The following SYT2 variants were observed in gnomAD, a reference collection of about 807,000 sequenced individuals.
SYT2 encodes synaptotagmin 2, also known as synaptotagmin-2.
In SYT2, 15 loss-of-function variants were observed where a neutral mutation model predicts 39.9. The ratio of observed to expected loss-of-function variants is 0.38; its 90% confidence interval spans 0.25 to 0.58. The LOEUF (loss-of-function observed/expected upper bound fraction) is 0.58. Ranked by LOEUF, SYT2 falls within the 20% of genes least tolerant of loss-of-function variation. The pLI is 0.70. For missense variants in SYT2, 389 were observed against 530.3 expected, an observed-to-expected ratio of 0.73 and a Z score of 2.62; for synonymous variants, 181 against 204.5, an observed-to-expected ratio of 0.89 and a Z score of 0.98.
At chr1:202,606,638 C>T (rs1690718460) in intron 1 of SYT2, among the ~76,000 whole-genome samples, 1 of 152,172 alleles carries the variant, frequency 6.6e-6, no homozygotes, top group African/African-American at 2.4e-5. Flanking sequence ...GCCCTTCCTC[C>T]CCGGTCTACT....
intron 1 of SYT2, among the ~76,000 whole-genome samples, chr1:202,663,842 G>C (rs778668654): frequency 9.2e-5 from 14 of 152,148 alleles, no homozygotes; most frequent in Non-Finnish European, 1.6e-4. Flanking sequence ...TGGCTGCTCT[G>C]TCTACTGGGC....
At position 202,605,732 on chromosome 1, in the gene SYT2, G is replaced by A. The variant is rs754193594; in HGVS notation, c.41C>T (p.Ala14Val). ...IFKRNQEPIV[A>V]PATTTATMPI... ...CATCGTGGCGGTGGTGGTGGCAGGA[G>A]CCACAATAGGCTCCTGGTTCCTCTT... The change falls in exon 2 of 9, where the codon GCT (alanine) becomes GTT (valine). Residue 14 changes from alanine (A) to valine (V), a missense_variant. Transcript: ENST00000367268. 6.2e-7 allele frequency: 1 copy of A among 1,614,098 alleles called. No individual in the cohort carries two copies. Among genetic ancestry groups the A allele is most frequent in the African/African-American group, 1.3e-5 (1 of 75,038 alleles).
intron 1 of SYT2, among the ~76,000 whole-genome samples, chr1:202,702,805 T>C (rs1654153173): frequency 6.6e-6 from 1 of 152,230 alleles, no homozygotes; most frequent in Non-Finnish European, 1.5e-5. Context: ...GGTAAAGACC[T>C]GTACATTTGT....
chr1:202,622,093 T>A (rs183397717), intron 1 of SYT2, among the ~76,000 whole-genome samples: 332 of 152,324 alleles, frequency 2.2e-3, no homozygotes, highest in Non-Finnish European at 4.1e-3. Flanking sequence ...ATTTAATCTT[T>A]CCCGGCATTG....
At chr1:202,653,639 A>G (rs1215215703) in intron 1 of SYT2, among the ~76,000 whole-genome samples, 1 of 152,140 alleles carries the variant, frequency 6.6e-6, no homozygotes, top group Non-Finnish European at 1.5e-5. Context: ...CTCCCCACAA[A>G]CACTGGCCTC....
chr1:202,597,638 T>C (rs1462653457), intron 8 of SYT2, among the ~76,000 whole-genome samples: 1 of 152,084 alleles, frequency 6.6e-6, no homozygotes, highest in Non-Finnish European at 1.5e-5. Context: ...AGGCAAGCAG[T>C]AGGGGACTCC....
In SYT2 at chr1:202,596,423, T is replaced by C. The variant is rs549707454; in HGVS notation, c.*334A>G. 66 of 245,472 alleles carry C rather than the reference T, an allele frequency of 2.7e-4. No individual in the cohort carries two copies. Among genetic ancestry groups the C allele is most frequent in the African/African-American group, 1.5e-3 (64 of 43,866 alleles). The allele number at this position is 245,472 out of a possible 1,614,324, so 15.2% of individuals were successfully genotyped here. ...TCCAGAAGGCTCAAAAAACAGGAAC[T>C]GCTGCAAGTTTGTGCCAGTAGAGAG... is the stretch of plus-strand genomic sequence containing the variant. On this transcript the variant is annotated 3_prime_UTR_variant, in exon 9 of 9. Transcript: ENST00000367268.
intron 1 of SYT2, among the ~76,000 whole-genome samples, chr1:202,702,421 G>C (rs1226486701): frequency 1.3e-5 from 2 of 152,184 alleles, no homozygotes; most frequent in Non-Finnish European, 2.9e-5. Flanking sequence ...CCTACTCGTG[G>C]GAGAGTCAAA....
intron 1 of SYT2, among the ~76,000 whole-genome samples, chr1:202,620,074 G>C (rs2149082426): frequency 6.6e-6 from 1 of 152,358 alleles, no homozygotes; most frequent in Non-Finnish European, 1.5e-5. Flanking sequence ...CAGGAAGGGG[G>C]AGTCTCCAAT....
chr1:202,615,031 T>A (rs193035180), intron 1 of SYT2, among the ~76,000 whole-genome samples: 1 of 152,274 alleles, frequency 6.6e-6, no homozygotes, highest in Admixed American at 6.5e-5. Flanking sequence ...GGGTGGAGCA[T>A]AACTCCAGAG....
chr1:202,651,847 T>C (rs1572658850), intron 1 of SYT2, among the ~76,000 whole-genome samples: 1 of 152,080 alleles, frequency 6.6e-6, no homozygotes, highest in South Asian at 2.1e-4. Context: ...GATCACGAGG[T>C]CAAGAGATCG....
rs377447094 is a variant in SYT2 at position 202,639,649 on chromosome 1, T to C, written c.-17-33860A>G. 2.9e-5 allele frequency: 29 copies of C among 985,372 alleles called. No homozygotes were observed. In the African/African-American group the frequency reaches 4.7e-4, roughly 16 times the overall value. The allele number at this position is 985,372 out of a possible 1,614,324, so 61.0% of individuals were successfully genotyped here. On this transcript the variant is annotated intron_variant, in intron 1 of 8. Transcript: ENST00000367268. ...AGGGATGCCATGCTGCTGGCTTGCGTTCCCTCATCATCAGGAGCCTTTTGT... is the reference window on the plus strand; with the variant it reads ...AGGGATGCCATGCTGCTGGCTTGCGCTCCCTCATCATCAGGAGCCTTTTGT...
chr1:202,634,217 A>T (rs1691678164), intron 1 of SYT2, among the ~76,000 whole-genome samples: 2 of 152,242 alleles, frequency 1.3e-5, no homozygotes, highest in African/African-American at 4.8e-5. Flanking sequence ...TAAATATACC[A>T]TTTAAAAATA....
chr1:202,672,892 AAAAAAT>A (rs1055151638), intron 1 of SYT2, among the ~76,000 whole-genome samples: 26 of 150,772 alleles, frequency 1.7e-4, no homozygotes, highest in African/African-American at 3.9e-4. Context: ...CCCAAGCAGC[AAAAAAT>A]AAAAAGAAAG....
At chr1:202,605,222 A>G (rs1298305095) in intron 2 of SYT2, 2 of 182,324 alleles carry the variant, frequency 1.1e-5, no homozygotes, top group Non-Finnish European at 2.3e-5. Context: ...TCTGCCAGAA[A>G]TTCAAAAGCA....
Position 202,591,404 on chromosome 1 carries a change from T to TACCTG in SYT2, c.*5348_*5352dup, listed in dbSNP as rs1276590932. ...GGCCAGGGGCCGCAGGCAGGGGGGC[T>TACCTG]ACCTGTCCCTCTCAGTTCAACAGGA... On this transcript the variant is annotated 3_prime_UTR_variant, in exon 9 of 9. Transcript: ENST00000367268. 6.6e-6 allele frequency: 1 copy of TACCTG among 152,530 alleles called. No homozygotes were observed. The highest frequency in any genetic ancestry group is 1.5e-5 in the Non-Finnish European group (1 of 68,300). The allele number at this position is 152,530 out of a possible 1,614,324, so 9.4% of individuals were successfully genotyped here.
chr1:202,607,133 C>T (rs1397676749), intron 1 of SYT2, among the ~76,000 whole-genome samples: 1 of 152,098 alleles, frequency 6.6e-6, no homozygotes, highest in African/African-American at 2.4e-5. Flanking sequence ...TAATTCTGTC[C>T]TCTCCACCAA....
At position 202,596,925 on chromosome 1, in the gene SYT2, C is replaced by T. The variant is rs1572604279; in HGVS notation, c.1092G>A (p.Lys364=). ...TGCCTATGGCTTCGTTCTTGCCCAG[C>T]TTGTCATAGTCCAGCACGGTGACCA... ...QVVVTVLDYD[K]LGKNEAIGKI... The change falls in exon 9 of 9, where the codon AAG becomes AAA. Residue 364 remains lysine (K), a synonymous_variant. Transcript: ENST00000367268. 6.2e-7 allele frequency: 1 copy of T among 1,614,240 alleles called. No individual in the cohort carries two copies.
chr1:202,612,786 A>T (rs1275596916), intron 1 of SYT2, among the ~76,000 whole-genome samples: 1 of 152,178 alleles, frequency 6.6e-6, no homozygotes, highest in Admixed American at 6.5e-5. Context: ...CATTGTGTTG[A>T]ATCTGTAGAT....
Sources: allele counts gnomAD v4.1 joint callset (sites outside exome capture counted in the v4.1 genomes callset), GRCh38; gene constraint gnomAD v4.1.1; transcripts MANE v1.5; gene names NCBI Gene and HGNC (gene_info 2026-07-23, HGNC 2026-07-21).